The following PPP2R5C variants were observed in gnomAD, a reference collection of about 807,000 sequenced individuals.
PPP2R5C encodes the protein protein phosphatase 2 regulatory subunit B'gamma.
Under a neutral mutation model 68.9 loss-of-function variants are expected in PPP2R5C, and 7 were observed. The ratio of observed to expected loss-of-function variants is 0.10; its 90% confidence interval spans 0.06 to 0.19. The LOEUF is 0.19. Among genes scored for constraint, PPP2R5C ranks in the 10% least tolerant of loss-of-function variants. The pLI is 1.00. For synonymous variants in PPP2R5C, 210 were observed against 222.2 expected (o/e 0.95, Z 0.49); for missense variants, 348 against 641.3 (o/e 0.54, Z 4.94).
At chr14:101,871,866 G>C (rs2043440681) in intron 2 of PPP2R5C, among the ~76,000 whole-genome samples, 1 of 151,900 alleles carries the variant, frequency 6.6e-6, no homozygotes, top group Admixed American at 6.6e-5. Context: ...ATTTCATATA[G>C]AATATAAGAC....
chr14:101,817,204 C>G lies in PPP2R5C; in HGVS notation c.94+7168C>G, dbSNP rs2039774537. 2.6e-5 allele frequency among the ~76,000 whole-genome samples: 4 copies of G among 152,106 alleles called. No individual in the cohort carries two copies. In the South Asian group the frequency reaches 8.3e-4, roughly 32 times the overall value. The stretch of plus-strand genomic sequence containing the variant: ...ATCTCCTGACCTCGTGTTCCACCCG[C>G]CTCGGCCTCCCAAAGTGCTGGGATT... On this transcript the variant is annotated intron_variant, in intron 1 of 13. Coordinates refer to ENST00000334743, the Ensembl canonical transcript of PPP2R5C.
chr14:101,789,249 T>C (rs2038253893), intron 3 of PPP2R5C, among the ~76,000 whole-genome samples: 1 of 152,256 alleles, frequency 6.6e-6, no homozygotes, highest in Non-Finnish European at 1.5e-5. Context: ...ACAGAGGTGA[T>C]AGCAGGCATT....
At chr14:101,866,167 T>C (rs1016095496) in intron 2 of PPP2R5C, among the ~76,000 whole-genome samples, 1 of 152,226 alleles carries the variant, frequency 6.6e-6, no homozygotes, top group Non-Finnish European at 1.5e-5. Context: ...AGTACTGGGA[T>C]AACTGGCGTG....
At chr14:101,808,929 C>T (rs894928820), upstream of PPP2R5C, among the ~76,000 whole-genome samples, 1 of 152,164 alleles carries the variant, frequency 6.6e-6, no homozygotes, top group South Asian at 2.1e-4. Flanking sequence ...CCATCCAATT[C>T]AGAAATAATG....
chr14:101,918,311 C>A (rs2046797317), intron 13 of PPP2R5C, among the ~76,000 whole-genome samples: 2 of 151,330 alleles, frequency 1.3e-5, no homozygotes. Context: ...AGAGAGGCTC[C>A]CTTAGCTCTT....
In PPP2R5C at chr14:101,882,441, G is replaced by A. The variant is rs1279521705; in HGVS notation, c.405+170G>A. 2.2e-5 allele frequency: 11 copies of A among 509,574 alleles called. 1 individual carries two copies. In the South Asian group the frequency reaches 2.6e-4, roughly 12 times the overall value. 31.6% of individuals were successfully genotyped at this position (509,574 alleles called of 1,614,324 possible). On this transcript the variant is annotated intron_variant, in intron 3 of 13. Coordinates refer to ENST00000334743, the Ensembl canonical transcript of PPP2R5C. The surrounding 1 kb of genome is among the most constrained non-coding windows in gnomAD (Gnocchi z 4.9). ...AATATTTCAGCAGAATAAAGTTAAT[G>A]TGTGTGTTTGACCACTTTACAACAG...
intron 2 of PPP2R5C, among the ~76,000 whole-genome samples, chr14:101,860,167 T>C (rs982945982): frequency 2.5e-4 from 38 of 152,224 alleles, no homozygotes; most frequent in African/African-American, 8.4e-4. Context: ...AAAGAAATCC[T>C]GTACTCATTA....
intron 5 of PPP2R5C, among the ~76,000 whole-genome samples, chr14:101,885,862 C>T (rs1456193643): frequency 6.6e-6 from 1 of 152,216 alleles, no homozygotes; most frequent in African/African-American, 2.4e-5. Flanking sequence ...ACAACAGGTA[C>T]AATTTAAATT....
intron 8 of PPP2R5C, among the ~76,000 whole-genome samples, chr14:101,900,496 G>C (rs1677997): frequency 0.35 from 53,515 of 152,122 alleles, 13,697 homozygotes; most frequent in African/African-American, 0.73. Context: ...CGAGGCCAAA[G>C]AGCTGCTCTA....
At chr14:101,806,458 C>G (rs1319688741), upstream of PPP2R5C, among the ~76,000 whole-genome samples, 1 of 152,174 alleles carries the variant, frequency 6.6e-6, no homozygotes, top group Non-Finnish European at 1.5e-5. Context: ...TTTATGGCTG[C>G]ATAGTATTCC....
chr14:101,790,082 CT>C (rs766975869), intron 3 of PPP2R5C, among the ~76,000 whole-genome samples: 3 of 151,338 alleles, frequency 2.0e-5, no homozygotes, highest in Non-Finnish European at 4.4e-5. Context: ...TATCCTATGT[CT>C]TTTATTTTAA....
intron 1 of PPP2R5C, chr14:101,819,343 G>A: frequency 2.5e-6 from 1 of 404,586 alleles, no homozygotes; most frequent in East Asian, 3.9e-5. Context: ...GGCCGTCACT[G>A]CCTCATAAGA....
At chr14:101,789,571 CAT>C (rs1249030665) in intron 3 of PPP2R5C, 2 of 152,198 alleles carry the variant, frequency 1.3e-5, no homozygotes, top group Admixed American at 6.5e-5. Context: ...AGTGTATTTT[CAT>C]AGTGTTTGGA....
chr14:101,787,669 AG>A (rs1262145257), intron 3 of PPP2R5C, among the ~76,000 whole-genome samples: 1 of 148,586 alleles, frequency 6.7e-6, no homozygotes, highest in Non-Finnish European at 1.5e-5. Flanking sequence ...TGGGAGGCTG[AG>A]GCGGGAGAAT....
chr14:101,762,581 A>G (rs1649105249), intron 1 of PPP2R5C, among the ~76,000 whole-genome samples: 1 of 151,970 alleles, frequency 6.6e-6, no homozygotes, highest in Admixed American at 6.6e-5. Context: ...ATCCTCACTC[A>G]TAGGGTTTAG....
At chr14:101,836,294 A>C in intron 1 of PPP2R5C, 1 of 702,832 alleles carries the variant, frequency 1.4e-6, no homozygotes, top group East Asian at 2.7e-5. Context: ...CCCCCAAAGC[A>C]TGGACGGAGC....
intron 2 of PPP2R5C, among the ~76,000 whole-genome samples, chr14:101,866,398 C>A (rs1426487981): frequency 6.6e-6 from 1 of 152,138 alleles, no homozygotes. Flanking sequence ...GTACGGTGAC[C>A]CAGCCCTGTG....
intron 2 of PPP2R5C, among the ~76,000 whole-genome samples, chr14:101,866,918 CAA>C (rs1370410383): frequency 1.3e-5 from 2 of 151,692 alleles, no homozygotes; most frequent in African/African-American, 4.8e-5. Flanking sequence ...CTTGTGTCTA[CAA>C]AAAAAATTTT....
intron 5 of PPP2R5C, among the ~76,000 whole-genome samples, chr14:101,884,149 A>G (rs1441162098): frequency 4.6e-5 from 7 of 152,142 alleles, no homozygotes; most frequent in Non-Finnish European, 1.0e-4. Flanking sequence ...TTAGAGTCCA[A>G]TGTTCAAGGG....
Sources: gnomAD v4.1 joint callset for allele counts (sites outside exome capture counted in the v4.1 genomes callset) on GRCh38, gnomAD v4.1.1 for gene constraint, Gnocchi (gnomAD v3.1) non-coding constraint, MANE v1.5 for transcripts, NCBI Gene and HGNC (gene_info 2026-07-23, HGNC 2026-07-21) for gene names.